Variants in SLC6A4 observed in about 807,000 individuals in gnomAD.
SLC6A4 encodes solute carrier family 6 member 4.
SLC6A4 carries 22 observed loss-of-function variants against 73.4 expected under a neutral mutation model. That is an observed-to-expected ratio of 0.30 (90% CI 0.21 to 0.43). The LOEUF is 0.43. Ranked by LOEUF, SLC6A4 falls within the 20% of genes least tolerant of loss-of-function variation. SLC6A4 has a pLI of 1.00. For missense variants in SLC6A4, 593 were observed against 808.5 expected, an observed-to-expected ratio of 0.73 and a Z score of 3.23; for synonymous variants, 270 against 315.5, an observed-to-expected ratio of 0.86 and a Z score of 1.53.
chr17:30,211,451 G>T lies in SLC6A4; in HGVS notation c.1205-27C>A. ...TGAGACAGAGGGGAGAGAGGAGGAG[G>T]TGGTTGACAAGACCTGTCCTACAAA... On this transcript the variant is annotated intron_variant, in intron 9 of 14. Coordinates refer to ENST00000650711, the MANE Select transcript of SLC6A4 (RefSeq NM_001045.6). The surrounding 1 kb of genome is among the most constrained non-coding windows in gnomAD (Gnocchi z 4.0). The T allele has an allele frequency of 6.9e-7, 1 of 1,449,700 alleles. No homozygotes were observed. The highest frequency in any genetic ancestry group is 9.7e-7 in the Non-Finnish European group (1 of 1,030,258). The allele number at this position is 1,449,700 out of a possible 1,614,324, so 89.8% of individuals were successfully genotyped here.
chr17:30,218,020 G>T, intron 5 of SLC6A4, 98 bp downstream of exon 5: 1 of 872,658 alleles, frequency 1.1e-6, no homozygotes. Flanking sequence ...CTCAGAAAGG[G>T]GTGAGGAGCC....
rs945625224 is a variant in SLC6A4 at position 30,198,358 on chromosome 17, G to A, written c.*98C>T. On this transcript the variant is annotated 3_prime_UTR_variant, in exon 15 of 15. Coordinates refer to ENST00000650711, the MANE Select transcript of SLC6A4 (RefSeq NM_001045.6). ...GAAGGCCCTTCCATCATCAGGCTTA[G>A]CTGGAAACTCATTCACTTGGAGGGG... is the stretch of plus-strand genomic sequence containing the variant. 7.0e-6 allele frequency: 5 copies of A among 715,012 alleles called. No homozygotes were observed. In the African/African-American group the frequency reaches 7.2e-5, roughly 10 times the overall value. 44.3% of individuals were successfully genotyped at this position (715,012 alleles called of 1,614,324 possible). A position where few individuals can be genotyped will look rare whatever the true frequency, so the allele number is the denominator to read the frequency against.
intron 1 of SLC6A4, among the ~76,000 whole-genome samples, chr17:30,234,162 A>T (rs1305679544): frequency 3.4e-4 from 52 of 152,058 alleles, no homozygotes; most frequent in Admixed American, 3.4e-3. Flanking sequence ...CCATTAAAAC[A>T]TCAACATTAT....
Position 30,211,569 on chromosome 17 carries a change from G to A in SLC6A4, c.1205-145C>T, listed in dbSNP as rs1414152503. The stretch of plus-strand genomic sequence containing the variant: ...TCAGGTTTTGACACACACCAAGTGC[G>A]TCCTCACACTCTACTCCGTCTGACG... On this transcript the variant is annotated intron_variant, in intron 9 of 14. Transcript: ENST00000650711. The surrounding 1 kb of genome is among the most constrained non-coding windows in gnomAD (Gnocchi z 4.0). The A allele has an allele frequency of 5.0e-5, 32 of 639,192 alleles. No homozygotes were observed. Among genetic ancestry groups the A allele is most frequent in the Admixed American group, 9.3e-5 (4 of 43,104 alleles). 39.6% of individuals were successfully genotyped at this position (639,192 alleles called of 1,614,324 possible). A position where few individuals can be genotyped will look rare whatever the true frequency, so the allele number is the denominator to read the frequency against.
chr17:30,230,142 AGGAG>A (rs1907066350), intron 1 of SLC6A4, among the ~76,000 whole-genome samples: 6 of 151,966 alleles, frequency 3.9e-5, no homozygotes, highest in Non-Finnish European at 8.8e-5. Context: ...GAGGAGGAGG[AGGAG>A]GAGGAAGAGG....
intron 3 of SLC6A4, among the ~76,000 whole-genome samples, chr17:30,219,835 A>G (rs549007853): frequency 6.6e-6 from 1 of 152,332 alleles, no homozygotes; most frequent in South Asian, 2.1e-4. Context: ...CTGAACCCAG[A>G]AACCTGAGGT....
chr17:30,233,931 T>C (rs900991343), intron 1 of SLC6A4, among the ~76,000 whole-genome samples: 2 of 152,332 alleles, frequency 1.3e-5, no homozygotes, highest in African/African-American at 4.8e-5. Flanking sequence ...GAGTTACCTG[T>C]GTTTCTGTTT....
chr17:30,230,023 AAAG>A (rs1176858088), intron 1 of SLC6A4, among the ~76,000 whole-genome samples: 2 of 149,548 alleles, frequency 1.3e-5, no homozygotes, highest in African/African-American at 2.5e-5. Context: ...CCATCTCAAA[AAAG>A]AAGAAGAAGA....
Position 30,215,685 on chromosome 17 carries a change from G to T in SLC6A4, c.1002C>A (p.Phe334Leu). 6.2e-7 allele frequency: 1 copy of T among 1,614,052 alleles called. No homozygotes were observed. The highest frequency in any genetic ancestry group is 8.5e-7 in the Non-Finnish European group (1 of 1,179,994). ...GVWIDAAAQI[F>L]FSLGPGFGVL... ...CCCCAAAGCCCGGACCAAGAGAGAAGAAGATCTGAGCGGCTGCATCTATCC... is the reference window on the plus strand; with the variant it reads ...CCCCAAAGCCCGGACCAAGAGAGAATAAGATCTGAGCGGCTGCATCTATCC... The change falls in exon 8 of 15, where the codon TTC becomes TTA. Residue 334 changes from phenylalanine to leucine, a missense_variant. Transcript: ENST00000650711.
intron 10 of SLC6A4, 118 bp from the exon 11 acceptor site, chr17:30,210,764 C>T: frequency 9.0e-7 from 1 of 1,105,620 alleles, no homozygotes; most frequent in Non-Finnish European, 1.3e-6. Context: ...TGATCATCAC[C>T]AGTTCCCCGG....
rs949246876 is a variant in SLC6A4 at position 30,195,015 on chromosome 17, G to A, written c.*3441C>T. The A allele has an allele frequency of 1.3e-5, 2 of 152,172 alleles. No individual in the cohort carries two copies. Among genetic ancestry groups the A allele is most frequent in the Non-Finnish European group, 2.9e-5 (2 of 68,020 alleles). The allele number at this position is 152,172 out of a possible 1,614,324, so 9.4% of individuals were successfully genotyped here. ...CTTGCATTGGTGGTAGAGCAGCTTG[G>A]CATAGATTCTGTGAGGTGTTGGTAA... On this transcript the variant is annotated 3_prime_UTR_variant, in exon 15 of 15. Transcript: ENST00000650711.
intron 14 of SLC6A4, among the ~76,000 whole-genome samples, chr17:30,202,633 C>T (rs1906073755): frequency 1.3e-5 from 2 of 152,142 alleles, no homozygotes; most frequent in South Asian, 4.1e-4. Flanking sequence ...TCTTGCTATC[C>T]TGGCAAAACA....
At chr17:30,217,070 A>G (rs1387652016) in intron 6 of SLC6A4, 96 bp downstream of exon 6, 4 of 1,060,382 alleles carry the variant, frequency 3.8e-6, no homozygotes, top group Non-Finnish European at 5.6e-6. Flanking sequence ...TTGGTGTGGA[A>G]GGAAACAGTG....
intron 12 of SLC6A4, among the ~76,000 whole-genome samples, chr17:30,208,094 C>G (rs1283008919): frequency 1.3e-5 from 2 of 152,114 alleles, no homozygotes; most frequent in Non-Finnish European, 2.9e-5. Context: ...AAGCAAGACT[C>G]TTTCTACATA....
At chr17:30,228,548 C>T (rs775743036) in intron 1 of SLC6A4, among the ~76,000 whole-genome samples, 10 of 152,330 alleles carry the variant, frequency 6.6e-5, no homozygotes, top group Middle Eastern at 3.4e-3. Context: ...GGGAAACAGA[C>T]TCCTGGGCTG....
At chr17:30,210,441 G>T (rs1320527624) in intron 11 of SLC6A4, 74 bp downstream of exon 11, 43 of 1,500,556 alleles carry the variant, frequency 2.9e-5, no homozygotes, top group Non-Finnish European at 3.9e-5. Flanking sequence ...GAGATGGAAG[G>T]AGACGAACAG....
chr17:30,226,314 G>A (rs765918032), intron 1 of SLC6A4, among the ~76,000 whole-genome samples: 6 of 152,334 alleles, frequency 3.9e-5, no homozygotes, highest in East Asian at 1.9e-4. Flanking sequence ...GGTGCCGCCC[G>A]AAGCAGTAAA....
chr17:30,203,188 G>A lies in SLC6A4; in HGVS notation c.1802C>T (p.Pro601Leu), dbSNP rs764936225. ...AGCACGTACCTCTTTAAATGTCCCT[G>A]GAGTGATGATCAACCGATAAGCTAT... ...TYIAYRLIITPGTFKERIIKS... is the reference protein window; with the variant it reads ...TYIAYRLIITLGTFKERIIKS... The change falls in exon 14 of 15, where the codon CCA becomes CTA. Residue 601 changes from proline (P) to leucine (L), a missense_variant. Transcript: ENST00000650711. The A allele has an allele frequency of 6.2e-7, 1 of 1,613,580 alleles. No homozygotes were observed. The highest frequency in any genetic ancestry group is 8.5e-7 in the Non-Finnish European group (1 of 1,179,570).
rs1399275949 is a variant in SLC6A4 at position 30,230,086 on chromosome 17, AGAAGAAGAAGAGGAG to A, written c.-221+5512_-221+5526del. 1.5e-3 allele frequency among the ~76,000 whole-genome samples: 196 copies of A among 130,092 alleles called. 1 individual carries two copies. Among genetic ancestry groups the A allele is most frequent in the Middle Eastern group, 3.5e-3 (1 of 282 alleles). 85.3% of individuals were successfully genotyped at this position (130,092 alleles called of 152,430 possible). A position where few individuals can be genotyped will look rare whatever the true frequency, so the allele number is the denominator to read the frequency against. Reference sequence around the variant, plus strand: ...AAGAAGAAGAAGAAGAAGAAGAAGAAGAAGAAGAAGAGGAGGAAGAGGAAGAGGAAGAGGAAGAGG... The same window carrying A: ...AAGAAGAAGAAGAAGAAGAAGAAGAAGAAGAGGAAGAGGAAGAGGAAGAGG... On this transcript the variant is annotated intron_variant, in intron 1 of 14. Coordinates refer to ENST00000650711, the MANE Select transcript of SLC6A4 (RefSeq NM_001045.6).
Sources: allele counts gnomAD v4.1 joint callset (sites outside exome capture counted in the v4.1 genomes callset), GRCh38; gene constraint gnomAD v4.1.1; non-coding constraint Gnocchi (gnomAD v3.1); transcripts MANE v1.5; gene names NCBI Gene and HGNC (gene_info 2026-07-23, HGNC 2026-07-21).